Variants in TRIM5 observed in about 807,000 individuals in gnomAD.
TRIM5 encodes tripartite motif-containing protein 5.
Under a neutral mutation model 35.6 loss-of-function variants are expected in TRIM5, and 31 were observed. The ratio of observed to expected loss-of-function variants is 0.87; its 90% confidence interval spans 0.65 to 1.18. TRIM5 has a LOEUF of 1.18. Among genes scored for constraint, TRIM5 ranks in the 50% most tolerant of loss-of-function variants. TRIM5 has a pLI of 0.00. For missense variants in TRIM5, 609 were observed against 591.6 expected, an observed-to-expected ratio of 1.03 and a Z score of -0.31; for synonymous variants, 243 against 215.6, an observed-to-expected ratio of 1.13 and a Z score of -1.11.
chr11:5,626,195 T>A, the TRIM5 span, among the ~76,000 whole-genome samples: 1 of 152,306 alleles, frequency 6.6e-6, no homozygotes, highest in Admixed American at 6.5e-5. Context: ...TGGGATAAAA[T>A]TGATTATAAA....
the TRIM5 span, among the ~76,000 whole-genome samples, chr11:5,617,780 G>A: frequency 7.3e-5 from 11 of 151,694 alleles, no homozygotes; most frequent in Admixed American, 2.6e-4. Flanking sequence ...TTGGGCCACC[G>A]CGCATGGCCT....
the TRIM5 span, among the ~76,000 whole-genome samples, chr11:5,649,308 C>G: frequency 1.3e-5 from 2 of 152,124 alleles, no homozygotes; most frequent in African/African-American, 4.8e-5. Context: ...CAGCAAGCAC[C>G]TCGAGTGATA....
chr11:5,636,459 C>T, the TRIM5 span, among the ~76,000 whole-genome samples: 10 of 152,126 alleles, frequency 6.6e-5, no homozygotes, highest in African/African-American at 2.4e-4. Context: ...TGCACTACAT[C>T]GTGAATATTT....
intron 1 of TRIM5, among the ~76,000 whole-genome samples, chr11:5,680,531 C>A (rs1377512930): frequency 6.6e-6 from 1 of 152,138 alleles, no homozygotes; most frequent in African/African-American, 2.4e-5. Context: ...CTACCAAGAT[C>A]TTTGTGTGAC....
At chr11:5,603,551 G>C in the TRIM5 span, 11 of 1,613,900 alleles carry the variant, frequency 6.8e-6, no homozygotes, top group Non-Finnish European at 9.3e-6. Context: ...ATAGTGAGGC[G>C]GCTCAGAGAG....
chr11:5,642,860 C>A, the TRIM5 span: 6 of 1,613,660 alleles, frequency 3.7e-6, no homozygotes, highest in African/African-American at 1.3e-5. Flanking sequence ...AAAAGTTAGT[C>A]TTTAAATAAC....
intron 1 of TRIM5, among the ~76,000 whole-genome samples, chr11:5,680,771 T>C (rs1422267976): frequency 2.0e-5 from 3 of 152,236 alleles, no homozygotes; most frequent in African/African-American, 7.2e-5. Flanking sequence ...GCACTGTACG[T>C]TTGCAATGAT....
chr11:5,677,296 C>T lies in TRIM5; in HGVS notation c.744+908G>A, dbSNP rs1349212905. On this transcript the variant is annotated intron_variant, in intron 4 of 7. Coordinates refer to ENST00000380034, the MANE Select transcript of TRIM5 (RefSeq NM_033034.3). Reference sequence around the variant, plus strand: ...ACCCCATCAAAAAGTGGGCGAAGGACATGAACAGACACTTCTCAAAAGAAG... The same window carrying T: ...ACCCCATCAAAAAGTGGGCGAAGGATATGAACAGACACTTCTCAAAAGAAG... Among the ~76,000 whole-genome samples the T allele has an allele frequency of 3.9e-5, 6 of 152,198 alleles. No homozygotes were observed. In the South Asian group the frequency reaches 8.3e-4, roughly 21 times the overall value.
the TRIM5 span, among the ~76,000 whole-genome samples, chr11:5,592,620 T>G: frequency 2.0e-5 from 3 of 151,750 alleles, 1 homozygote; most frequent in Non-Finnish European, 4.4e-5. Context: ...ATATAAAATA[T>G]CAAAGGAAAG....
chr11:5,634,492 TAC>T, the TRIM5 span: 96,263 of 226,662 alleles, frequency 0.42, 19,144 homozygotes, highest in Admixed American at 0.46. Flanking sequence ...ATAATATAAA[TAC>T]ACACACACAC....
chr11:5,607,263 C>T, the TRIM5 span, among the ~76,000 whole-genome samples: 1 of 152,194 alleles, frequency 6.6e-6, no homozygotes, highest in East Asian at 1.9e-4. Context: ...ATAAAGCCAA[C>T]ATAAGAGAAG....
the TRIM5 span, among the ~76,000 whole-genome samples, chr11:5,597,957 A>C: frequency 1.3e-5 from 2 of 152,190 alleles, no homozygotes; most frequent in East Asian, 3.8e-4. Flanking sequence ...TCATTCCAGG[A>C]AAGACTGAGA....
At chr11:5,622,334 A>C in the TRIM5 span, among the ~76,000 whole-genome samples, 132 of 152,150 alleles carry the variant, frequency 8.7e-4, no homozygotes, top group African/African-American at 2.6e-3. Flanking sequence ...AGTCCCGGCT[A>C]CTTGGGAGGC....
the TRIM5 span, among the ~76,000 whole-genome samples, chr11:5,623,816 C>G: frequency 6.6e-6 from 1 of 152,102 alleles, no homozygotes; most frequent in Non-Finnish European, 1.5e-5. Flanking sequence ...TGTTAAACTT[C>G]CAACAAGTTT....
At chr11:5,631,976 C>T in the TRIM5 span, among the ~76,000 whole-genome samples, 1 of 152,106 alleles carries the variant, frequency 6.6e-6, no homozygotes, top group South Asian at 2.1e-4. Context: ...GTCTTAGCAG[C>T]CCTTCTGATG....
rs1353460901 is a variant in TRIM5 at position 5,679,278 on chromosome 11, A to C, written c.418-109T>G. 6 of 914,852 alleles carry C rather than the reference A, an allele frequency of 6.6e-6. No individual in the cohort carries two copies. In the African/African-American group the frequency reaches 6.6e-5, roughly 10 times the overall value. The allele number at this position is 914,852 out of a possible 1,614,324, so 56.7% of individuals were successfully genotyped here. A position where few individuals can be genotyped will look rare whatever the true frequency, so the allele number is the denominator to read the frequency against. ...GATCTCAGAAGAAACAAATTTGCAG[A>C]AACTGTGAGAATGGCAATGAGAATC... On this transcript the variant is annotated intron_variant, in intron 2 of 7. Coordinates refer to ENST00000380034, the MANE Select transcript of TRIM5 (RefSeq NM_033034.3).
chr11:5,668,921 G>A (rs942935385), intron 4 of TRIM5, among the ~76,000 whole-genome samples: 1 of 152,072 alleles, frequency 6.6e-6, no homozygotes, highest in African/African-American at 2.4e-5. Context: ...GGAGCAACAA[G>A]GACCAACAAC....
chr11:5,605,375 G>A, the TRIM5 span: 1 of 1,614,048 alleles, frequency 6.2e-7, no homozygotes, highest in Non-Finnish European at 8.5e-7. Context: ...TCCAGACAGA[G>A]TTTAATCAGC....
the TRIM5 span, among the ~76,000 whole-genome samples, chr11:5,654,796 T>A: frequency 9.2e-5 from 14 of 152,282 alleles, no homozygotes; most frequent in South Asian, 2.1e-3. Flanking sequence ...AATTGTAGGT[T>A]AAAATTTGTC....
Sources: allele counts gnomAD v4.1 joint callset (sites outside exome capture counted in the v4.1 genomes callset), GRCh38; gene constraint gnomAD v4.1.1; transcripts MANE v1.5; gene names NCBI Gene and HGNC (gene_info 2026-07-23, HGNC 2026-07-21).